The following ZFHX3 variants were observed in gnomAD, a reference collection of about 807,000 sequenced individuals.
ZFHX3 encodes the protein zinc finger homeobox protein 3.
In ZFHX3, 42 loss-of-function variants were observed where a neutral mutation model predicts 279.1. That is an observed-to-expected ratio of 0.15 (90% CI 0.12 to 0.19). ZFHX3 has a LOEUF of 0.19. ZFHX3 is among the 10% of genes least tolerant of loss of function. The pLI is 1.00. For missense variants in ZFHX3, 4,981 were observed against 4,754.0 expected, an observed-to-expected ratio of 1.05 and a Z score of -1.40; for synonymous variants, 2,293 against 1,957.8, an observed-to-expected ratio of 1.17 and a Z score of -4.52.
intron 4 of ZFHX3, among the ~76,000 whole-genome samples, chr16:73,295,750 C>A (rs888736044): frequency 1.3e-5 from 2 of 152,122 alleles, no homozygotes; most frequent in African/African-American, 4.8e-5. Flanking sequence ...GCAGTGGCTG[C>A]CCTTTCACAC....
intron 7 of ZFHX3, among the ~76,000 whole-genome samples, chr16:73,101,895 T>C (rs1966236382): frequency 6.7e-6 from 1 of 149,236 alleles, no homozygotes. Flanking sequence ...TTCAGTAATA[T>C]TTCTTCCATT....
intron 3 of ZFHX3, among the ~76,000 whole-genome samples, chr16:72,905,997 G>A (rs2039160482): frequency 6.6e-6 from 1 of 152,050 alleles, no homozygotes; most frequent in South Asian, 2.1e-4. Flanking sequence ...TAGGAGGAAT[G>A]GACCATTCTC....
chr16:73,855,135 A>G (rs1442922514), intron 1 of ZFHX3, among the ~76,000 whole-genome samples: 1 of 152,108 alleles, frequency 6.6e-6, no homozygotes, highest in Non-Finnish European at 1.5e-5. Flanking sequence ...GAAAAATAGC[A>G]ATTGCCTCCA....
chr16:73,252,848 A>G (rs2013551024), intron 5 of ZFHX3, among the ~76,000 whole-genome samples: 1 of 152,224 alleles, frequency 6.6e-6, no homozygotes, highest in African/African-American at 2.4e-5. Context: ...AAGAAAATGC[A>G]TGAGAGAGAA....
At chr16:73,190,763 C>A (rs188873643) in intron 5 of ZFHX3, among the ~76,000 whole-genome samples, 6 of 152,042 alleles carry the variant, frequency 3.9e-5, no homozygotes, top group Non-Finnish European at 7.4e-5. Flanking sequence ...AGCCAGTTTC[C>A]AATTAATCAG....
chr16:73,092,638 C>T lies in ZFHX3; in HGVS notation c.-533+597G>A, dbSNP rs187770849. On this transcript the variant is annotated intron_variant, in intron 8 of 17. Coordinates refer to the ZFHX3 transcript ENST00000641206. Reference sequence around the variant, plus strand: ...CGCCTTCATAGAATCAAGCCGAGCGCGAACGCCGTGTCTGGGGCTCCCACT... The same window carrying T: ...CGCCTTCATAGAATCAAGCCGAGCGTGAACGCCGTGTCTGGGGCTCCCACT... 5.1e-4 allele frequency: 133 copies of T among 259,932 alleles called. No homozygotes were observed. In the Middle Eastern group the frequency reaches 6.9e-3, roughly 13 times the overall value. The allele number at this position is 259,932 out of a possible 1,614,324, so 16.1% of individuals were successfully genotyped here.
rs376791963 is a variant in ZFHX3 at position 73,530,864 on chromosome 16, C to A, written c.-1546-74606G>T. On this transcript the variant is annotated intron_variant, in intron 2 of 17. Coordinates refer to the ZFHX3 transcript ENST00000641206. ...CAGTGTCTGCCCAGAAAATACTTGA[C>A]AACCAGGTGTGGACGTGAATTGAAT... 4.5e-4 allele frequency among the ~76,000 whole-genome samples: 68 copies of A among 152,298 alleles called. 1 individual carries two copies. The South Asian group carries it at 0.013, about 30-fold the overall frequency.
chr16:72,944,276 C>T (rs1016990328), intron 3 of ZFHX3, among the ~76,000 whole-genome samples: 4 of 152,116 alleles, frequency 2.6e-5, no homozygotes, highest in Non-Finnish European at 5.9e-5. Context: ...CAGAGTGAGA[C>T]CCTGTCTCAA....
chr16:73,848,094 G>A (rs1007669126), intron 1 of ZFHX3, among the ~76,000 whole-genome samples: 10 of 151,818 alleles, frequency 6.6e-5, no homozygotes, highest in African/African-American at 9.7e-5. Context: ...AAGGCCCACC[G>A]GAAGAGTAAA....
At position 73,494,637 on chromosome 16, in the gene ZFHX3, C is replaced by T. The variant is rs187262584; in HGVS notation, c.-1546-38379G>A. 2.1e-3 allele frequency among the ~76,000 whole-genome samples: 317 copies of T among 152,022 alleles called. 3 individuals carry two copies. The highest frequency in any genetic ancestry group is 5.1e-4 in the Non-Finnish European group (35 of 67,966). On this transcript the variant is annotated intron_variant, in intron 2 of 17. Transcript: ENST00000641206. ...GTGCAATGGTGTGATCTCGGCTCACCGCAACCTCCGCCCACGGGTTCAAGC... is the reference window on the plus strand; with the variant it reads ...GTGCAATGGTGTGATCTCGGCTCACTGCAACCTCCGCCCACGGGTTCAAGC...
At chr16:73,797,879 A>G (rs545822308) in intron 1 of ZFHX3, among the ~76,000 whole-genome samples, 21 of 141,786 alleles carry the variant, frequency 1.5e-4, no homozygotes, top group African/African-American at 4.6e-4. Flanking sequence ...TAATGGTACA[A>G]TCTTGGCTCA....
intron 1 of ZFHX3, among the ~76,000 whole-genome samples, chr16:72,983,628 G>C (rs1262604825): frequency 3.3e-5 from 5 of 152,094 alleles, no homozygotes; most frequent in Non-Finnish European, 7.4e-5. Context: ...GATCGCTTGA[G>C]CCCAGGAGTT....
chr16:73,536,894 G>A (rs1280168757), intron 2 of ZFHX3, among the ~76,000 whole-genome samples: 3 of 152,024 alleles, frequency 2.0e-5, no homozygotes, highest in African/African-American at 7.2e-5. Flanking sequence ...TATTATTTGG[G>A]AAGATGTATT....
intron 1 of ZFHX3, among the ~76,000 whole-genome samples, chr16:72,991,921 C>T (rs560463717): frequency 1.3e-5 from 2 of 152,194 alleles, no homozygotes; most frequent in African/African-American, 4.8e-5. Flanking sequence ...TCCTCAGACA[C>T]AATTGCTCGG....
At chr16:72,956,020 G>C (rs1961236134) in intron 2 of ZFHX3, among the ~76,000 whole-genome samples, 1 of 152,214 alleles carries the variant, frequency 6.6e-6, no homozygotes. Context: ...TCCACAATTA[G>C]CCAGTTGGTT....
chr16:73,851,909 G>A (rs1961603076), intron 1 of ZFHX3, among the ~76,000 whole-genome samples: 1 of 152,138 alleles, frequency 6.6e-6, no homozygotes, highest in South Asian at 2.1e-4. Flanking sequence ...AATGATAGGG[G>A]AGGTAGGGCA....
chr16:72,857,662 G>T (rs111926336), intron 4 of ZFHX3, among the ~76,000 whole-genome samples: 1 of 152,176 alleles, frequency 6.6e-6, no homozygotes, highest in African/African-American at 2.4e-5. Flanking sequence ...TCCAGCCTGG[G>T]TGACAGAGCA....
intron 1 of ZFHX3, among the ~76,000 whole-genome samples, chr16:73,801,375 A>C (rs1313256316): frequency 6.6e-6 from 1 of 152,172 alleles, no homozygotes; most frequent in African/African-American, 2.4e-5. Context: ...AATCCTCCTT[A>C]GGTAGGAGGT....
At chr16:73,777,620 T>G (rs1959302241) in intron 1 of ZFHX3, among the ~76,000 whole-genome samples, 1 of 152,170 alleles carries the variant, frequency 6.6e-6, no homozygotes, top group African/African-American at 2.4e-5. Flanking sequence ...CAAATCTTTT[T>G]TTCTCCGTGC....
Sources: allele counts gnomAD v4.1 joint callset (sites outside exome capture counted in the v4.1 genomes callset), GRCh38; gene constraint gnomAD v4.1.1; transcripts MANE v1.5; gene names NCBI Gene and HGNC (gene_info 2026-07-23, HGNC 2026-07-21).